The following LOC128462377 variants were observed in gnomAD, a reference collection of about 807,000 sequenced individuals.
chr16:89,343,914 C>G, the LOC128462377 span: 2 of 152,266 alleles, frequency 1.3e-5, no homozygotes, highest in Non-Finnish European at 2.9e-5. Context: ...TTGGAAACTA[C>G]GGATCACGGG....
At chr16:89,368,297 A>G in the LOC128462377 span, among the ~76,000 whole-genome samples, 2 of 150,794 alleles carry the variant, frequency 1.3e-5, no homozygotes, top group African/African-American at 4.9e-5. Flanking sequence ...CCAGGTTACA[A>G]GCGATTCTCC....
the LOC128462377 span, among the ~76,000 whole-genome samples, chr16:89,367,362 C>G: frequency 6.6e-6 from 1 of 152,230 alleles, no homozygotes; most frequent in Admixed American, 6.5e-5. Flanking sequence ...CGGCAGACCT[C>G]CCACCACTGC....
chr16:89,335,937 G>A, the LOC128462377 span, among the ~76,000 whole-genome samples: 1 of 152,192 alleles, frequency 6.6e-6, no homozygotes, highest in South Asian at 2.1e-4. Flanking sequence ...TGAGGCATCC[G>A]CCGCAAACAT....
the LOC128462377 span, among the ~76,000 whole-genome samples, chr16:89,338,424 T>TA: frequency 0.015 from 1,939 of 126,984 alleles, 27 homozygotes; most frequent in African/African-American, 0.034. Context: ...TACACTCTGT[T>TA]AAAAAAAAAA....
chr16:89,363,500 G>C, the LOC128462377 span, among the ~76,000 whole-genome samples: 6 of 151,256 alleles, frequency 4.0e-5, no homozygotes, highest in Non-Finnish European at 5.9e-5. Flanking sequence ...AAAAGATTCA[G>C]TCTTGCAAAG....
chr16:89,330,410 C>T, the LOC128462377 span, among the ~76,000 whole-genome samples: 4 of 151,990 alleles, frequency 2.6e-5, no homozygotes, highest in African/African-American at 4.8e-5. Flanking sequence ...GCTCGCACAC[C>T]GGGAGGGCTG....
chr16:89,417,813 C>T, the LOC128462377 span, among the ~76,000 whole-genome samples: 10 of 152,246 alleles, frequency 6.6e-5, no homozygotes, highest in Non-Finnish European at 1.5e-4. Flanking sequence ...TCCCAGGATA[C>T]AGAATCCTCA....
At chr16:89,410,972 C>T in the LOC128462377 span, among the ~76,000 whole-genome samples, 6 of 152,342 alleles carry the variant, frequency 3.9e-5, no homozygotes, top group Middle Eastern at 3.4e-3. Context: ...TCAGGCTGCC[C>T]GGCCTCCACA....
At chr16:89,318,152 C>T in the LOC128462377 span, among the ~76,000 whole-genome samples, 2 of 152,214 alleles carry the variant, frequency 1.3e-5, no homozygotes, top group Non-Finnish European at 2.9e-5. Flanking sequence ...ACGGTGCGAG[C>T]GCACTTCTTC....
At chr16:89,387,229 T>TAA in the LOC128462377 span, among the ~76,000 whole-genome samples, 2 of 139,522 alleles carry the variant, frequency 1.4e-5, no homozygotes, top group East Asian at 4.1e-4. Flanking sequence ...AGTGCCAAGT[T>TAA]AAAAAAAAAA....
At chr16:89,344,934 G>A in the LOC128462377 span, among the ~76,000 whole-genome samples, 7 of 152,170 alleles carry the variant, frequency 4.6e-5, no homozygotes, top group South Asian at 2.1e-4. Flanking sequence ...AAATACCAGT[G>A]AAAAAGAATG....
the LOC128462377 span, among the ~76,000 whole-genome samples, chr16:89,374,053 G>A: frequency 3.3e-5 from 5 of 152,330 alleles, no homozygotes; most frequent in East Asian, 7.7e-4. Context: ...GAGACAACAC[G>A]CAAGTGTGAG....
chr16:89,382,986 G>A, the LOC128462377 span, among the ~76,000 whole-genome samples: 12 of 152,310 alleles, frequency 7.9e-5, 1 homozygote, highest in South Asian at 1.7e-3. Context: ...GATTACAGGC[G>A]TGAGCCACCG....
the LOC128462377 span, among the ~76,000 whole-genome samples, chr16:89,329,995 A>AAAAATAAAATAAAATAAAAT: frequency 1.3e-3 from 196 of 146,322 alleles, no homozygotes; most frequent in African/African-American, 4.6e-3. Flanking sequence ...ACCTTGTCTC[A>AAAAATAAAATAAAATAAAAT]AAAATAAAAT....
At chr16:89,322,248 C>G in the LOC128462377 span, among the ~76,000 whole-genome samples, 2 of 152,220 alleles carry the variant, frequency 1.3e-5, no homozygotes, top group African/African-American at 2.4e-5. Context: ...TCTCCCTGAA[C>G]AGATGTGACA....
the LOC128462377 span, among the ~76,000 whole-genome samples, chr16:89,347,573 T>C: frequency 2.0e-5 from 3 of 146,644 alleles, no homozygotes; most frequent in South Asian, 6.4e-4. Flanking sequence ...ATCACGCCAC[T>C]GCATTCCAGC....
chr16:89,318,473 C>G, the LOC128462377 span, among the ~76,000 whole-genome samples: 1 of 152,324 alleles, frequency 6.6e-6, no homozygotes, highest in Admixed American at 6.5e-5. Context: ...GCGACCATGC[C>G]GGGAGAAGCA....
chr16:89,349,907 CACACAT>C, the LOC128462377 span, among the ~76,000 whole-genome samples: 14,603 of 123,446 alleles, frequency 0.12, 772 homozygotes, highest in Middle Eastern at 0.17. Flanking sequence ...CACACACACA[CACACAT>C]ATTCAAACAA....
At chr16:89,385,682 C>T in the LOC128462377 span, among the ~76,000 whole-genome samples, 2 of 152,370 alleles carry the variant, frequency 1.3e-5, no homozygotes, top group African/African-American at 4.8e-5. Context: ...TACGAATTCA[C>T]TTTAGGTACA....
Sources: gnomAD v4.1 joint callset for allele counts (sites outside exome capture counted in the v4.1 genomes callset) on GRCh38, gnomAD v4.1.1 for gene constraint, MANE v1.5 for transcripts.